The following LMAN1 variants were observed in gnomAD, a reference collection of about 807,000 sequenced individuals.
The protein encoded by LMAN1 is lectin, mannose binding 1, also known as protein ERGIC-53.
LMAN1 carries 32 observed loss-of-function variants against 67.8 expected under a neutral mutation model. The ratio of observed to expected loss-of-function variants is 0.47; its 90% CI spans 0.36 to 0.63. LMAN1 has a LOEUF of 0.63. Ranked by LOEUF, LMAN1 falls within the 30% of genes least tolerant of loss-of-function variation. The probability of loss-of-function intolerance (pLI) is 0.00; values close to 1 mark genes in which losing one functional copy is unlikely to be tolerated. For synonymous variants in LMAN1, 235 were observed against 219.3 expected (o/e 1.07, Z -0.63); for missense variants, 632 against 628.2 (o/e 1.01, Z -0.06).
intron 6 of LMAN1, 62 bp downstream of exon 6, chr18:59,349,051 T>C (rs1908482658): frequency 1.3e-6 from 2 of 1,589,410 alleles, no homozygotes; most frequent in Non-Finnish European, 1.7e-6. Context: ...ATATCCCTAA[T>C]ATACTATTCC....
intron 1 of LMAN1, among the ~76,000 whole-genome samples, chr18:59,356,962 T>A (rs773169749): frequency 6.6e-6 from 1 of 152,166 alleles, no homozygotes; most frequent in East Asian, 1.9e-4. Context: ...AGAAACACCA[T>A]AGATTTGGTC....
intron 1 of LMAN1, among the ~76,000 whole-genome samples, 175 bp downstream of exon 1, chr18:59,358,856 T>G (rs1804513176): frequency 6.6e-6 from 1 of 151,996 alleles, no homozygotes; most frequent in African/African-American, 2.4e-5. Flanking sequence ...GAGGGAACCG[T>G]GCGAACCAGG....
rs189058102 is a variant in LMAN1 at position 59,335,611 on chromosome 18, T to C, written c.1221-2367A>G. Among the ~76,000 whole-genome samples the C allele has an allele frequency of 1.5e-4, 23 of 152,276 alleles. No individual in the cohort carries two copies. In the East Asian group the frequency reaches 4.4e-3, roughly 29 times the overall value. Reference sequence around the variant, plus strand: ...CAAGGATGAAGAAGCGATATACACATGCTCTGCCCCTTAGAACCATAGTAT... The same window carrying C: ...CAAGGATGAAGAAGCGATATACACACGCTCTGCCCCTTAGAACCATAGTAT... On this transcript the variant is annotated intron_variant, in intron 10 of 12. Transcript: ENST00000251047.
chr18:59,346,675 C>T (rs909956602), intron 7 of LMAN1, among the ~76,000 whole-genome samples: 4 of 151,622 alleles, frequency 2.6e-5, no homozygotes, highest in African/African-American at 9.7e-5. Context: ...TGTGCACCAC[C>T]ACACCCAGCT....
At chr18:59,352,780 C>A in intron 5 of LMAN1, 1 of 221,132 alleles carries the variant, frequency 4.5e-6, no homozygotes, top group Middle Eastern at 1.9e-3. Flanking sequence ...GTGTCTGCAA[C>A]GCAGCATTTA....
At position 59,359,222 on chromosome 18, in the gene LMAN1, C is replaced by A. The variant is rs771118282; in HGVS notation, c.23G>T (p.Gly8Val). 6.2e-7 allele frequency: 1 copy of A among 1,613,916 alleles called. No homozygotes were observed. Among genetic ancestry groups the A allele is most frequent in the Admixed American group, 1.7e-5 (1 of 60,012 alleles). MAGSRQR[G>V]LRARVRPLFC... ...CAGCGGCCGAACTCTGGCCCGGAGA[C>A]CCCTTTGCCTGGATCCCGCCATCTT... The change falls in exon 1 of 13, where the codon GGT becomes GTT. Residue 8 changes from glycine to valine, a missense_variant. Coordinates refer to ENST00000251047, the MANE Select transcript of LMAN1 (RefSeq NM_005570.4).
intron 6 of LMAN1, among the ~76,000 whole-genome samples, chr18:59,348,784 T>C (rs1375820488): frequency 6.6e-6 from 1 of 152,244 alleles, no homozygotes; most frequent in East Asian, 1.9e-4. Flanking sequence ...TTTTAGTTAA[T>C]TGTCATGTGG....
chr18:59,336,610 G>A (rs976935660), intron 10 of LMAN1, among the ~76,000 whole-genome samples: 24 of 152,216 alleles, frequency 1.6e-4, no homozygotes, highest in African/African-American at 5.1e-4. Flanking sequence ...GGGGCCAGGC[G>A]TGGTGGCTCA....
chr18:59,340,933 T>A (rs1026046886), intron 8 of LMAN1, among the ~76,000 whole-genome samples: 2 of 152,126 alleles, frequency 1.3e-5, no homozygotes, highest in African/African-American at 4.8e-5. Context: ...ACTGGCAGAA[T>A]GGATTAAAAT....
At chr18:59,332,466 T>C (rs1379443264) in intron 11 of LMAN1, among the ~76,000 whole-genome samples, 1 of 152,216 alleles carries the variant, frequency 6.6e-6, no homozygotes, top group Non-Finnish European at 1.5e-5. Context: ...TACTAGCTAC[T>C]GACCTTGGGA....
At chr18:59,344,117 C>T (rs1908347730) in intron 8 of LMAN1, among the ~76,000 whole-genome samples, 1 of 151,998 alleles carries the variant, frequency 6.6e-6, no homozygotes. Flanking sequence ...GTCACAATGG[C>T]CATTATTAAA....
chr18:59,349,442 G>T (rs28591592), intron 5 of LMAN1, among the ~76,000 whole-genome samples: 14,574 of 152,070 alleles, frequency 0.096, 1,078 homozygotes, highest in African/African-American at 0.21. Context: ...TTTAAAGAGA[G>T]AAAAATCTGA....
In LMAN1 at chr18:59,354,506, A is replaced by AAC. The variant is rs3835325; in HGVS notation, c.539+11_539+12dup. ...AGCTGAAATCAGGAGTAATGTAAAA[A>AAC]ACACACACTTACTTTTGATGGTCAT... On this transcript the variant is annotated intron_variant, in intron 4 of 12. Transcript: ENST00000251047. 7.0e-7 allele frequency: 1 copy of AAC among 1,436,660 alleles called. No homozygotes were observed. Among genetic ancestry groups the AAC allele is most frequent in the Non-Finnish European group, 9.8e-7 (1 of 1,018,630 alleles). The allele number at this position is 1,436,660 out of a possible 1,614,324, so 89.0% of individuals were successfully genotyped here. A position where few individuals can be genotyped will look rare whatever the true frequency, so the allele number is the denominator to read the frequency against.
At chr18:59,356,215 C>T (rs1232645207) in intron 1 of LMAN1, among the ~76,000 whole-genome samples, 1 of 152,138 alleles carries the variant, frequency 6.6e-6, no homozygotes, top group Non-Finnish European at 1.5e-5. Context: ...TACTTATATA[C>T]ATTCTTCCAT....
At position 59,355,609 on chromosome 18, in the gene LMAN1, G is replaced by A; in HGVS notation, c.264C>T (p.Ser88=). ...DQIRVAPSLK[S]QRGSVWTKTK... ...TCTTTGTCCACACTGAGCCTCTTTG[G>A]CTTTTTAAAGATGGTGCTACTCGAA... Residue 88 remains serine, a synonymous_variant, in exon 2 of 13, where the codon AGC becomes AGT. Transcript: ENST00000251047. The A allele has an allele frequency of 6.2e-7, 1 of 1,614,008 alleles. No homozygotes were observed. The highest frequency in any genetic ancestry group is 8.5e-7 in the Non-Finnish European group (1 of 1,179,934).
In LMAN1 at chr18:59,331,071, G is replaced by C. The variant is rs1295830594; in HGVS notation, c.*22C>G. On this transcript the variant is annotated 3_prime_UTR_variant, in exon 13 of 13. Coordinates refer to ENST00000251047, the MANE Select transcript of LMAN1 (RefSeq NM_005570.4). ...GACATCATTTTGTACACAAATAGAT[G>C]AAGTACACAGGAAAATGGTAGTCAA... The C allele has an allele frequency of 6.4e-7, 1 of 1,565,042 alleles. No homozygotes were observed. The highest frequency in any genetic ancestry group is 1.1e-5 in the South Asian group (1 of 89,386).
At position 59,329,957 on chromosome 18, in the gene LMAN1, A is replaced by T. The variant is rs2070737595; in HGVS notation, c.*1136T>A. 1 of 152,192 alleles carries T rather than the reference A, an allele frequency of 6.6e-6. No homozygotes were observed. Among genetic ancestry groups the T allele is most frequent in the African/African-American group, 2.4e-5 (1 of 41,466 alleles). The allele number at this position is 152,192 out of a possible 1,614,324, so 9.4% of individuals were successfully genotyped here. ...ACAGACTGTTTCTGTAATACCTAGA[A>T]GTATGCACAAAGACTATAAAAACTC... On this transcript the variant is annotated 3_prime_UTR_variant, in exon 13 of 13. Transcript: ENST00000251047.
chr18:59,350,486 T>G (rs1197786636), intron 5 of LMAN1, among the ~76,000 whole-genome samples: 1 of 152,146 alleles, frequency 6.6e-6, no homozygotes, highest in African/African-American at 2.4e-5. Context: ...CTAGTTCCAA[T>G]TATTTTTATT....
intron 6 of LMAN1, 114 bp from the exon 7 acceptor site, chr18:59,347,685 T>G: frequency 1.3e-6 from 1 of 793,554 alleles, no homozygotes; most frequent in Non-Finnish European, 2.0e-6. Context: ...AGTGAGGGAA[T>G]TGACAAAAAT....
Sources: allele counts gnomAD v4.1 joint callset (sites outside exome capture counted in the v4.1 genomes callset), GRCh38; gene constraint gnomAD v4.1.1; transcripts MANE v1.5; gene names NCBI Gene and HGNC (gene_info 2026-07-23, HGNC 2026-07-21).